The following CGGBP1 variants were observed in gnomAD, a reference collection of about 807,000 sequenced individuals.
CGGBP1 encodes CGG triplet repeat binding protein 1.
A neutral mutation model predicts 11.4 loss-of-function variants in CGGBP1; 4 were observed. The observed-to-expected ratio is 0.35, with a 90% CI of 0.17 to 0.80. CGGBP1 has a LOEUF of 0.80. Ranked by LOEUF, CGGBP1 falls within the 30% of genes least tolerant of loss-of-function variation. CGGBP1 has a pLI of 0.52. For synonymous variants in CGGBP1, 76 were observed against 74.1 expected (o/e 1.03, Z -0.13); for missense variants, 135 against 202.1 (o/e 0.67, Z 2.01).
intron 2 of CGGBP1, among the ~76,000 whole-genome samples, chr3:88,133,085 A>C (rs867648984): frequency 6.6e-6 from 1 of 152,112 alleles, no homozygotes. Context: ...AACAAACCCC[A>C]AGCTTAATAG....
chr3:88,088,735 A>G (rs1400292060), intron 2 of CGGBP1, among the ~76,000 whole-genome samples: 1 of 147,062 alleles, frequency 6.8e-6, no homozygotes, highest in Non-Finnish European at 1.5e-5. Flanking sequence ...TTTAAAAAAA[A>G]ACCTTTATTT....
At chr3:88,097,923 C>G (rs925953355) in intron 2 of CGGBP1, among the ~76,000 whole-genome samples, 25 of 152,212 alleles carry the variant, frequency 1.6e-4, no homozygotes, top group African/African-American at 5.3e-4. Flanking sequence ...ATTAAAAGTA[C>G]TAGAGAAGCA....
At chr3:88,058,476 G>A (rs879711966) in intron 1 of CGGBP1, among the ~76,000 whole-genome samples, 6 of 152,090 alleles carry the variant, frequency 3.9e-5, no homozygotes. Context: ...GAGAGGCGGG[G>A]CCCGGGACGT....
At chr3:88,137,881 G>GTA (rs1354156378) in intron 2 of CGGBP1, among the ~76,000 whole-genome samples, 2 of 151,982 alleles carry the variant, frequency 1.3e-5, no homozygotes, top group African/African-American at 2.4e-5. Flanking sequence ...TATACCATAT[G>GTA]TAGGCAGTAT....
intron 2 of CGGBP1, among the ~76,000 whole-genome samples, chr3:88,069,365 T>G (rs899963021): frequency 9.9e-5 from 15 of 152,092 alleles, no homozygotes; most frequent in Admixed American, 9.2e-4. Context: ...GAGGTTGCAG[T>G]GAGTCTAGAT....
intron 2 of CGGBP1, among the ~76,000 whole-genome samples, chr3:88,116,486 C>T (rs1267158707): frequency 6.6e-6 from 1 of 151,898 alleles, no homozygotes; most frequent in Non-Finnish European, 1.5e-5. Context: ...CACCATCGCA[C>T]TCCATCCAGC....
At chr3:88,084,515 C>T (rs752715657) in intron 2 of CGGBP1, among the ~76,000 whole-genome samples, 6 of 152,162 alleles carry the variant, frequency 3.9e-5, no homozygotes, top group Admixed American at 6.5e-5. Flanking sequence ...TTTTACTTTC[C>T]AGCTAGTGAG....
At chr3:88,063,507 ATTTC>A, upstream of CGGBP1, among the ~76,000 whole-genome samples, 1 of 152,232 alleles carries the variant, frequency 6.6e-6, no homozygotes, top group East Asian at 1.9e-4. Context: ...AACAATCCTT[ATTTC>A]TTGGTCTTGA....
At chr3:88,092,042 T>C (rs1386550030) in intron 2 of CGGBP1, among the ~76,000 whole-genome samples, 1 of 152,206 alleles carries the variant, frequency 6.6e-6, no homozygotes, top group East Asian at 1.9e-4. Context: ...AAATATGTTA[T>C]CTTGATGACT....
chr3:88,077,067 T>C (rs1707843524), intron 2 of CGGBP1, among the ~76,000 whole-genome samples: 2 of 152,174 alleles, frequency 1.3e-5, no homozygotes, highest in Non-Finnish European at 2.9e-5. Context: ...TGGTATTTTT[T>C]GAGATAGAGT....
intron 2 of CGGBP1, among the ~76,000 whole-genome samples, chr3:88,065,847 A>G (rs1270910807): frequency 6.6e-6 from 1 of 152,080 alleles, no homozygotes; most frequent in Non-Finnish European, 1.5e-5. Flanking sequence ...AGCACCCATC[A>G]GCCCCCACCC....
intron 2 of CGGBP1, among the ~76,000 whole-genome samples, chr3:88,089,541 C>A (rs1265701311): frequency 6.6e-6 from 1 of 151,784 alleles, no homozygotes; most frequent in Non-Finnish European, 1.5e-5. Flanking sequence ...AAAGCAAGAA[C>A]TGGGACTAGT....
intron 2 of CGGBP1, chr3:88,139,839 A>G (rs1387280705): frequency 1.3e-6 from 2 of 1,580,284 alleles, no homozygotes; most frequent in South Asian, 2.3e-5. Flanking sequence ...AACTTCAGTA[A>G]TTCATAAAAT....
intron 2 of CGGBP1, among the ~76,000 whole-genome samples, chr3:88,087,479 T>C (rs1708396603): frequency 6.6e-6 from 1 of 152,010 alleles, no homozygotes; most frequent in African/African-American, 2.4e-5. Flanking sequence ...CCCACTAAAA[T>C]TATAGTAAAG....
At chr3:88,071,447 G>A (rs1224361292) in intron 2 of CGGBP1, among the ~76,000 whole-genome samples, 6 of 152,194 alleles carry the variant, frequency 3.9e-5, no homozygotes, top group Middle Eastern at 3.4e-3. Context: ...GATCGAGACC[G>A]TCCTGGCTAA....
upstream of CGGBP1, chr3:88,059,640 C>T (rs186759949): frequency 1.8e-4 from 238 of 1,310,962 alleles, 1 homozygote; most frequent in African/African-American, 2.7e-3. Context: ...GGCTGAAGCT[C>T]CCTCCTCCAC....
At chr3:88,144,835 T>A (rs1707279361) in intron 1 of CGGBP1, among the ~76,000 whole-genome samples, 1 of 152,026 alleles carries the variant, frequency 6.6e-6, no homozygotes, top group South Asian at 2.1e-4. Flanking sequence ...TAGAAGTATC[T>A]AAAATTTTAC....
rs551020491 is a variant in CGGBP1, at chr3:88,130,515, G to T, written c.-229+10455C>A. ...CTCTCAGGCTAGAATACAGTGGTGC[G>T]ATCATGGCTCACTGCAGCCTCAACT... On this transcript the variant is annotated intron_variant, in intron 2 of 3. Coordinates refer to the CGGBP1 transcript ENST00000462901. Among the ~76,000 whole-genome samples, 3 of 151,858 alleles carry T rather than the reference G, an allele frequency of 2.0e-5. No homozygotes were observed. The East Asian group carries it at 5.8e-4, about 29-fold the overall frequency.
intron 2 of CGGBP1, chr3:88,138,563 G>A (rs1370363132): frequency 9.1e-6 from 4 of 440,834 alleles, no homozygotes; most frequent in Non-Finnish European, 1.5e-5. Flanking sequence ...AGTTAAACAA[G>A]GCTACTAAAT....
Sources: allele counts gnomAD v4.1 joint callset (sites outside exome capture counted in the v4.1 genomes callset), GRCh38; gene constraint gnomAD v4.1.1; transcripts MANE v1.5; gene names NCBI Gene and HGNC (gene_info 2026-07-23, HGNC 2026-07-21).